BLTP1: variants seen among roughly 807,000 people sequenced by gnomAD.
BLTP1 encodes the protein bridge-like lipid transfer protein family member 1, also known as fragile site-associated protein.
the BLTP1 span, chr4:122,286,417 A>G: frequency 2.0e-6 from 3 of 1,474,082 alleles, no homozygotes; most frequent in Non-Finnish European, 2.7e-6. Context: ...ATATCCTTTC[A>G]TATATTTCAA....
At chr4:122,294,664 C>G in the BLTP1 span, among the ~76,000 whole-genome samples, 46 of 152,140 alleles carry the variant, frequency 3.0e-4, no homozygotes, top group Non-Finnish European at 7.4e-5. Flanking sequence ...GAAAAAAAAT[C>G]AATCCAAAAA....
At chr4:122,275,211 A>G in the BLTP1 span, among the ~76,000 whole-genome samples, 1 of 152,026 alleles carries the variant, frequency 6.6e-6, no homozygotes, top group Admixed American at 6.6e-5. Flanking sequence ...TGTATTAATT[A>G]TAATATTATT....
chr4:122,170,831 G>T, the BLTP1 span: 3 of 763,372 alleles, frequency 3.9e-6, no homozygotes, highest in East Asian at 3.0e-5. Context: ...GACTGAAGTT[G>T]GAACACTAAC....
At chr4:122,238,794 C>T in the BLTP1 span, among the ~76,000 whole-genome samples, 1 of 152,164 alleles carries the variant, frequency 6.6e-6, no homozygotes, top group Non-Finnish European at 1.5e-5. Flanking sequence ...GTCCTGTCCT[C>T]CATTTCTTCC....
At chr4:122,244,057 T>C in the BLTP1 span, 2 of 1,541,362 alleles carry the variant, frequency 1.3e-6, no homozygotes, top group Non-Finnish European at 1.7e-6. Context: ...ATACAACTGT[T>C]GCTTTATACA....
chr4:122,301,508 T>A, the BLTP1 span: 5 of 554,856 alleles, frequency 9.0e-6, no homozygotes, highest in Admixed American at 7.5e-5. Context: ...ATAAAAATGA[T>A]CTATAACTCC....
the BLTP1 span, among the ~76,000 whole-genome samples, chr4:122,168,656 T>C: frequency 2.6e-5 from 4 of 152,218 alleles, no homozygotes; most frequent in African/African-American, 9.6e-5. Context: ...TTTAAGGTGC[T>C]GACAGGGATT....
At chr4:122,281,919 C>G in the BLTP1 span, 4 of 1,289,230 alleles carry the variant, frequency 3.1e-6, no homozygotes, top group South Asian at 2.5e-5. Context: ...ATGATGTTCT[C>G]TAGTCAAGTA....
At chr4:122,299,574 A>C in the BLTP1 span, among the ~76,000 whole-genome samples, 1 of 152,238 alleles carries the variant, frequency 6.6e-6, no homozygotes, top group Non-Finnish European at 1.5e-5. Flanking sequence ...AATAATGGCA[A>C]CAAAAAGCCA....
the BLTP1 span, among the ~76,000 whole-genome samples, chr4:122,241,978 T>G: frequency 6.6e-6 from 1 of 152,032 alleles, no homozygotes; most frequent in Non-Finnish European, 1.5e-5. Context: ...AAAAATGACA[T>G]GTATTGGTGA....
At chr4:122,255,267 T>C in the BLTP1 span, 10 of 1,599,834 alleles carry the variant, frequency 6.3e-6, no homozygotes, top group African/African-American at 1.3e-5. Flanking sequence ...TACTCCATCA[T>C]TGATGATGCT....
At chr4:122,283,667 T>C in the BLTP1 span, among the ~76,000 whole-genome samples, 1 of 152,120 alleles carries the variant, frequency 6.6e-6, no homozygotes, top group East Asian at 1.9e-4. Flanking sequence ...CCACCACATC[T>C]GGCTAATTTT....
the BLTP1 span, chr4:122,258,727 T>G: frequency 6.2e-7 from 1 of 1,613,940 alleles, no homozygotes; most frequent in Non-Finnish European, 8.5e-7. Context: ...CACAATGCTA[T>G]TAGAAGGAAC....
At chr4:122,255,419 G>A in the BLTP1 span, 1 of 607,568 alleles carries the variant, frequency 1.6e-6, no homozygotes, top group South Asian at 2.7e-5. Flanking sequence ...CACTTTGGGA[G>A]GCTGAGGCGG....
the BLTP1 span, chr4:122,187,008 T>C: frequency 2.0e-6 from 2 of 984,990 alleles, no homozygotes; most frequent in South Asian, 9.4e-5. Flanking sequence ...ACTGGATTGT[T>C]TTCAGAAGTG....
chr4:122,352,856 G>T, the BLTP1 span: 9 of 1,598,254 alleles, frequency 5.6e-6, no homozygotes, highest in South Asian at 1.1e-5. Flanking sequence ...CCTATCCAAG[G>T]GTACTCATTA....
the BLTP1 span, among the ~76,000 whole-genome samples, chr4:122,360,740 T>C: frequency 6.6e-6 from 1 of 152,340 alleles, no homozygotes; most frequent in Non-Finnish European, 1.5e-5. Flanking sequence ...ATGAGAAATA[T>C]TAACTGTTAA....
chr4:122,261,419 C>A, the BLTP1 span: 2 of 985,198 alleles, frequency 2.0e-6, no homozygotes, highest in Non-Finnish European at 2.4e-6. Flanking sequence ...AGTTTCCGAT[C>A]TTTGCTTTTC....
chr4:122,244,142 G>C, the BLTP1 span: 1 of 1,119,216 alleles, frequency 8.9e-7, no homozygotes, highest in Non-Finnish European at 1.2e-6. Flanking sequence ...AAGTATATGT[G>C]ATATATGTTC....
Sources: allele counts gnomAD v4.1 joint callset (sites outside exome capture counted in the v4.1 genomes callset), GRCh38; gene constraint gnomAD v4.1.1; transcripts MANE v1.5; gene names NCBI Gene and HGNC (gene_info 2026-07-23, HGNC 2026-07-21).